SAMMSON: variants seen among roughly 807,000 people sequenced by gnomAD.
The protein encoded by SAMMSON is long intergenic non-protein coding RNA 1212.
chr3:70,306,402 C>T (rs931555979), intron 7 of SAMMSON, among the ~76,000 whole-genome samples: 1 of 152,178 alleles, frequency 6.6e-6, no homozygotes, highest in Non-Finnish European at 1.5e-5. Context: ...TGAGCTACCT[C>T]ACCCGGCCAA....
chr3:70,282,541 G>A lies in SAMMSON; in HGVS notation n.675-8638G>A, dbSNP rs143885129. 1.4e-3 allele frequency among the ~76,000 whole-genome samples: 212 copies of A among 152,234 alleles called. 3 individuals carry two copies. The East Asian group carries it at 0.033, about 24-fold the overall frequency. On this transcript the variant is annotated intron_variant and non_coding_transcript_variant, in intron 6 of 9. Transcript: ENST00000642114. ...CACTCAGCCTGGTTCATTCTATTTT[G>A]TTGGCTTTGAACATTCCAAGCAGTC...
At chr3:70,205,171 A>G (rs762865670) in intron 4 of SAMMSON, 5 of 152,100 alleles carry the variant, frequency 3.3e-5, no homozygotes, top group Non-Finnish European at 7.4e-5. Flanking sequence ...ATTTTACATA[A>G]CACTCCTGGT....
chr3:70,368,500 TAAC>T (rs1702938601), intron 9 of SAMMSON, among the ~76,000 whole-genome samples: 1 of 151,690 alleles, frequency 6.6e-6, no homozygotes, highest in Admixed American at 6.6e-5. Flanking sequence ...AAATTTTTAA[TAAC>T]AAACTCAGAG....
intron 9 of SAMMSON, among the ~76,000 whole-genome samples, chr3:70,378,001 T>C (rs1703035525): frequency 6.6e-6 from 1 of 152,034 alleles, no homozygotes; most frequent in Admixed American, 6.6e-5. Context: ...GGATTGTTTA[T>C]TGGTATACAC....
At chr3:70,344,684 C>A (rs1702737430) in intron 7 of SAMMSON, among the ~76,000 whole-genome samples, 1 of 152,204 alleles carries the variant, frequency 6.6e-6, no homozygotes, top group Non-Finnish European at 1.5e-5. Flanking sequence ...GGGGCCAGAG[C>A]CAAGGGCACA....
rs1230498918 is a variant in SAMMSON, at chr3:70,196,983, A to G, written n.508-52124A>G. 15 of 398,590 alleles carry G rather than the reference A, an allele frequency of 3.8e-5. 2 individuals are homozygous for G. The South Asian group carries it at 1.0e-3, about 27-fold the overall frequency. 24.7% of individuals were successfully genotyped at this position (398,590 alleles called of 1,614,324 possible). A position where few individuals can be genotyped will look rare whatever the true frequency, so the allele number is the denominator to read the frequency against. Reference sequence around the variant, plus strand: ...CCAGTTCCAGACACTCGCTGGTCTCATGGCAAGATTCAAAAAGGCTGCAGT... The same window carrying G: ...CCAGTTCCAGACACTCGCTGGTCTCGTGGCAAGATTCAAAAAGGCTGCAGT... On this transcript the variant is annotated intron_variant and non_coding_transcript_variant, in intron 4 of 9. Transcript: ENST00000642114.
chr3:70,265,627 G>A (rs967405722), intron 6 of SAMMSON, among the ~76,000 whole-genome samples: 2 of 152,206 alleles, frequency 1.3e-5, no homozygotes, highest in African/African-American at 4.8e-5. Flanking sequence ...AAGCAGATAA[G>A]GGACATTTTC....
chr3:70,130,838 C>T (rs2067479709), intron 4 of SAMMSON, among the ~76,000 whole-genome samples: 1 of 152,154 alleles, frequency 6.6e-6, no homozygotes, highest in Non-Finnish European at 1.5e-5. Context: ...TTTTAGGCCT[C>T]CATCTCAGGC....
At chr3:70,193,526 C>T (rs1348841066) in intron 4 of SAMMSON, among the ~76,000 whole-genome samples, 1 of 152,028 alleles carries the variant, frequency 6.6e-6, no homozygotes, top group Non-Finnish European at 1.5e-5. Context: ...CAAGTCCAGC[C>T]CCTATGTTGA....
intron 7 of SAMMSON, among the ~76,000 whole-genome samples, chr3:70,326,336 C>T (rs1702580317): frequency 1.3e-5 from 2 of 152,182 alleles, no homozygotes; most frequent in African/African-American, 4.8e-5. Flanking sequence ...CCATTCTGTG[C>T]TGTACTTTTC....
chr3:70,073,997 G>A (rs1319582069), intron 4 of SAMMSON, among the ~76,000 whole-genome samples: 8 of 151,818 alleles, frequency 5.3e-5, no homozygotes, highest in East Asian at 3.9e-4. Context: ...TGCTAAAATC[G>A]TTAGCTACTA....
At chr3:70,274,724 C>A (rs1223794205) in intron 6 of SAMMSON, among the ~76,000 whole-genome samples, 1 of 152,072 alleles carries the variant, frequency 6.6e-6, no homozygotes, top group Non-Finnish European at 1.5e-5. Context: ...TGTAACAAAC[C>A]TGCACATCCT....
chr3:70,174,379 G>GTGT (rs1225521179), intron 4 of SAMMSON, among the ~76,000 whole-genome samples: 2 of 152,018 alleles, frequency 1.3e-5, no homozygotes, highest in African/African-American at 4.8e-5. Flanking sequence ...AGGGAGTGAA[G>GTGT]TGTTGGTTGC....
intron 2 of SAMMSON, among the ~76,000 whole-genome samples, chr3:70,402,835 A>G (rs1471547394): frequency 6.6e-6 from 1 of 152,068 alleles, no homozygotes; most frequent in Non-Finnish European, 1.5e-5. Context: ...GCACTCCAGC[A>G]TGAGTGAGAG....
downstream of SAMMSON, among the ~76,000 whole-genome samples, chr3:70,391,958 CAT>C (rs1335503759): frequency 2.0e-5 from 3 of 152,110 alleles, no homozygotes; most frequent in South Asian, 2.1e-4. Flanking sequence ...CAAATACTCA[CAT>C]GTTATGTCAC....
At chr3:70,364,940 T>A (rs901309274) in intron 9 of SAMMSON, among the ~76,000 whole-genome samples, 5 of 151,834 alleles carry the variant, frequency 3.3e-5, no homozygotes, top group Admixed American at 6.6e-5. Flanking sequence ...TTCAATGAGA[T>A]CGTGTTATCC....
intron 1 of SAMMSON, among the ~76,000 whole-genome samples, chr3:70,008,898 A>G (rs957334679): frequency 6.6e-6 from 1 of 152,194 alleles, no homozygotes; most frequent in Non-Finnish European, 1.5e-5. Context: ...TGAGATAATC[A>G]TACGGTTTTT....
chr3:70,010,949 G>C (rs1438563181), intron 1 of SAMMSON, among the ~76,000 whole-genome samples: 1 of 152,030 alleles, frequency 6.6e-6, no homozygotes, highest in Non-Finnish European at 1.5e-5. Flanking sequence ...CTGTTGCCTG[G>C]TTCCAACCTT....
intron 4 of SAMMSON, among the ~76,000 whole-genome samples, chr3:70,095,380 C>T (rs1040867357): frequency 2.0e-5 from 3 of 152,146 alleles, no homozygotes; most frequent in African/African-American, 7.2e-5. Flanking sequence ...TGGAATTTCC[C>T]TTAAATAAAC....
Sources: gnomAD v4.1 joint callset for allele counts (sites outside exome capture counted in the v4.1 genomes callset) on GRCh38, gnomAD v4.1.1 for gene constraint, MANE v1.5 for transcripts, NCBI Gene and HGNC (gene_info 2026-07-23, HGNC 2026-07-21) for gene names.